Variants in ABR observed in about 807,000 individuals in gnomAD.
ABR encodes the protein active breakpoint cluster region-related protein.
ABR carries 35 observed loss-of-function variants against 107.2 expected under a neutral mutation model. The observed-to-expected ratio is 0.33, with a 90% confidence interval of 0.25 to 0.43. The LOEUF is 0.43. Among genes scored for constraint, ABR ranks in the 20% least tolerant of loss-of-function variants. The pLI is 1.00. For missense variants in ABR, 815 were observed against 1,115.2 expected (o/e 0.73, Z 3.83); for synonymous variants, 498 against 462.0 (o/e 1.08, Z -1.00).
chr17:1,229,565 G>C (rs1016082384), exon 1 of ABR, among the ~76,000 whole-genome samples: 2 of 152,132 alleles, frequency 1.3e-5, no homozygotes, highest in African/African-American at 4.8e-5. Context: ...CCAGCCTCGG[G>C]ACCGGCGCCT....
intron 2 of ABR, among the ~76,000 whole-genome samples, chr17:1,124,173 C>CG (rs1194495548): frequency 1.3e-4 from 20 of 148,588 alleles, no homozygotes; most frequent in African/African-American, 4.5e-4. Context: ...GGAGGGTGGC[C>CG]GGGGGGGCTG....
intron 1 of ABR, among the ~76,000 whole-genome samples, chr17:1,146,262 C>G (rs1393447952): frequency 1.7e-5 from 1 of 59,204 alleles, no homozygotes; most frequent in African/African-American, 6.2e-5. Context: ...CACATGGAGA[C>G]ACACACACAC....
In ABR at chr17:1,003,843, C is replaced by G. The variant is rs187936441; in HGVS notation, c.*2237G>C. 1 of 152,314 alleles carries G rather than the reference C, an allele frequency of 6.6e-6. No individual in the cohort carries two copies. Among genetic ancestry groups the G allele is most frequent in the South Asian group, 2.1e-4 (1 of 4,824 alleles). The allele number at this position is 152,314 out of a possible 1,614,324, so 9.4% of individuals were successfully genotyped here. ...ACAGTCCCTGGCTCCTGACTCCTGC[C>G]GGGCGCAGTGACTGGAGGTTTCGGG... is the stretch of plus-strand genomic sequence containing the variant. On this transcript the variant is annotated 3_prime_UTR_variant, in exon 23 of 23. Transcript: ENST00000302538.
chr17:1,022,120 A>AAAAAAAAAAAAAAAAAAAAAAAAGAAAAC (rs56033950), intron 16 of ABR, among the ~76,000 whole-genome samples: 1 of 118,388 alleles, frequency 8.4e-6, no homozygotes, highest in Non-Finnish European at 1.6e-5. Context: ...AAAAAAAAAA[A>AAAAAAAAAAAAAAAAAAAAAAAAGAAAAC]AAAAACAGAA....
At chr17:1,125,593 G>A (rs1335222552) in intron 1 of ABR, 3 of 376,124 alleles carry the variant, frequency 8.0e-6, no homozygotes, top group Non-Finnish European at 1.4e-5. Flanking sequence ...AGGCGGGGAG[G>A]AGCGGCTCTG....
intron 2 of ABR, among the ~76,000 whole-genome samples, chr17:1,102,515 A>G (rs1323595548): frequency 6.6e-6 from 1 of 152,216 alleles, no homozygotes; most frequent in Non-Finnish European, 1.5e-5. Flanking sequence ...TGGGCCACAC[A>G]TAAAATACAA....
chr17:1,011,175 A>C lies in ABR; in HGVS notation c.2102-312T>G. 1 of 362,342 alleles carries C rather than the reference A, an allele frequency of 2.8e-6. No homozygotes were observed. The highest frequency in any genetic ancestry group is 5.2e-6 in the Non-Finnish European group (1 of 192,578). The allele number at this position is 362,342 out of a possible 1,614,324, so 22.4% of individuals were successfully genotyped here. A position where few individuals can be genotyped will look rare whatever the true frequency, so the allele number is the denominator to read the frequency against. Reference sequence around the variant, plus strand: ...GGCCTGCAGCTTCCTTCCGACTGGAACCTCTCCATCGCTAAGCCCCTCTCT... The same window carrying C: ...GGCCTGCAGCTTCCTTCCGACTGGACCCTCTCCATCGCTAAGCCCCTCTCT... On this transcript the variant is annotated intron_variant, in intron 19 of 22. Transcript: ENST00000302538. This position sits in a 1 kb window ranked among gnomAD's most constrained non-coding sequence, Gnocchi z 4.8.
intron 16 of ABR, among the ~76,000 whole-genome samples, chr17:1,039,342 A>G (rs570449836): frequency 6.6e-6 from 1 of 152,332 alleles, no homozygotes; most frequent in Non-Finnish European, 1.5e-5. Context: ...CACTGGGCAG[A>G]GTCCAGGCTC....
intron 10 of ABR, among the ~76,000 whole-genome samples, chr17:1,066,531 CT>C (rs112876947): frequency 5.4e-4 from 79 of 146,414 alleles, no homozygotes; most frequent in East Asian, 1.2e-3. Context: ...TCTACCTCCA[CT>C]TTTTTTTTTT....
chr17:1,034,685 G>A (rs1233750971), intron 16 of ABR, among the ~76,000 whole-genome samples: 1 of 152,154 alleles, frequency 6.6e-6, no homozygotes, highest in African/African-American at 2.4e-5. Context: ...TGGCTGTCAT[G>A]TAACTGGCTG....
chr17:1,069,479 C>T (rs1300506037), intron 9 of ABR, among the ~76,000 whole-genome samples: 1 of 152,140 alleles, frequency 6.6e-6, no homozygotes, highest in Non-Finnish European at 1.5e-5. Flanking sequence ...GCCTGGCCAA[C>T]ATGGCAAAAC....
intron 16 of ABR, among the ~76,000 whole-genome samples, chr17:1,045,839 G>A (rs1485021960): frequency 6.6e-6 from 1 of 152,174 alleles, no homozygotes; most frequent in Admixed American, 6.5e-5. Flanking sequence ...GGACCTCACA[G>A]ACGCATGCTA....
intron 16 of ABR, chr17:1,031,776 G>C (rs1269517462): frequency 1.6e-6 from 2 of 1,230,058 alleles, no homozygotes; most frequent in Admixed American, 8.5e-5. Context: ...TGGAGAGAAG[G>C]CGCCTGTGGA....
At chr17:1,100,966 G>A (rs1340777551) in intron 2 of ABR, 1 of 561,438 alleles carries the variant, frequency 1.8e-6, no homozygotes. Context: ...TGGGATTACA[G>A]GCACCTGCCA....
At chr17:1,125,464 T>C (rs763974186) in intron 1 of ABR, 97 bp from the exon 2 acceptor site, 327 of 1,449,986 alleles carry the variant, frequency 2.3e-4, no homozygotes, top group Middle Eastern at 3.5e-4. Flanking sequence ...CCGGCAGCCA[T>C]GGCCCCGGCC....
intron 1 of ABR, among the ~76,000 whole-genome samples, chr17:1,131,183 T>C (rs1404139589): frequency 1.2e-5 from 1 of 82,986 alleles, no homozygotes; most frequent in Non-Finnish European, 2.3e-5. Flanking sequence ...GCTCCCCCCT[T>C]TGCACACCAA....
intron 2 of ABR, among the ~76,000 whole-genome samples, chr17:1,110,415 A>G (rs2038602899): frequency 6.6e-6 from 1 of 152,132 alleles, no homozygotes; most frequent in Admixed American, 6.6e-5. Context: ...GGGTGAAACC[A>G]CCACTCACTC....
At chr17:1,100,119 T>G (rs1597805827) in intron 3 of ABR, among the ~76,000 whole-genome samples, 1 of 107,180 alleles carries the variant, frequency 9.3e-6, no homozygotes. Context: ...AGAGCAAAGC[T>G]CCGTCTTAAA....
At position 1,058,661 on chromosome 17, in the gene ABR, T is replaced by C. The variant is rs529403747; in HGVS notation, c.1305+84A>G. On this transcript the variant is annotated intron_variant, in intron 11 of 22. Transcript: ENST00000302538. ...AGAGGGGGCCTGAGTTTCCGGTTCG[T>C]ACAGGTCAGGGCCAGGAGCCACAGA... 12 of 1,534,446 alleles carry C rather than the reference T, an allele frequency of 7.8e-6. No individual in the cohort carries two copies. The East Asian group carries it at 1.4e-4, about 18-fold the overall frequency.
Sources: gnomAD v4.1 joint callset for allele counts (sites outside exome capture counted in the v4.1 genomes callset) on GRCh38, gnomAD v4.1.1 for gene constraint, Gnocchi (gnomAD v3.1) non-coding constraint, MANE v1.5 for transcripts, NCBI Gene and HGNC (gene_info 2026-07-23, HGNC 2026-07-21) for gene names.